Variants in TEX2 observed in about 807,000 individuals in gnomAD.
TEX2 encodes the protein testis-expressed protein 2.
TEX2 carries 53 observed loss-of-function variants against 106.9 expected under a neutral mutation model. That is an observed-to-expected ratio of 0.50 (90% CI 0.40 to 0.62). TEX2 has a LOEUF of 0.62. TEX2 is among the 20% of genes least tolerant of loss of function. The probability of loss-of-function intolerance (pLI) is 0.00; values close to 1 mark genes in which losing one functional copy is unlikely to be tolerated. For missense variants in TEX2, 1,207 were observed against 1,379.0 expected (o/e 0.88, Z 1.98); for synonymous variants, 523 against 534.8 (o/e 0.98, Z 0.30).
rs568354882 is a variant in TEX2 at position 64,148,330 on chromosome 17, G to A, written c.*639C>T. ...AGGCTTGGGATGGTTTGATCTCATGGCTTTGCCTGATGTTCACATAAATCC... is the reference window on the plus strand; with the variant it reads ...AGGCTTGGGATGGTTTGATCTCATGACTTTGCCTGATGTTCACATAAATCC... On this transcript the variant is annotated 3_prime_UTR_variant, in exon 12 of 12. Coordinates refer to ENST00000584379, the MANE Select transcript of TEX2 (RefSeq NM_001288732.2). 3.3e-5 allele frequency: 5 copies of A among 152,798 alleles called. No homozygotes were observed. The East Asian group carries it at 9.6e-4, about 29-fold the overall frequency. The allele number at this position is 152,798 out of a possible 1,614,324, so 9.5% of individuals were successfully genotyped here. A position where few individuals can be genotyped will look rare whatever the true frequency, so the allele number is the denominator to read the frequency against.
chr17:64,160,072 T>C (rs973662915), intron 8 of TEX2, among the ~76,000 whole-genome samples: 5 of 152,220 alleles, frequency 3.3e-5, no homozygotes, highest in Non-Finnish European at 5.9e-5. Context: ...ATGTGAGAAG[T>C]AGCCTCTAGT....
intron 1 of TEX2, among the ~76,000 whole-genome samples, chr17:64,219,375 G>A (rs1555632993): frequency 6.6e-6 from 1 of 151,954 alleles, no homozygotes; most frequent in African/African-American, 2.4e-5. Context: ...ACGTGGTGGC[G>A]CATGCCTGTA....
intron 5 of TEX2, among the ~76,000 whole-genome samples, chr17:64,181,528 T>C (rs2031863044): frequency 6.7e-6 from 1 of 150,272 alleles, no homozygotes; most frequent in Non-Finnish European, 1.5e-5. Flanking sequence ...CATGGTTTTG[T>C]ATTCTTTGAG....
chr17:64,215,215 C>T (rs2033148619), intron 1 of TEX2, among the ~76,000 whole-genome samples: 1 of 152,260 alleles, frequency 6.6e-6, no homozygotes, highest in Admixed American at 6.5e-5. Context: ...GGCCCATTTA[C>T]TGGGCACTAG....
intron 5 of TEX2, among the ~76,000 whole-genome samples, chr17:64,180,003 C>T (rs2031789709): frequency 6.6e-6 from 1 of 152,106 alleles, no homozygotes; most frequent in African/African-American, 2.4e-5. Context: ...TTTTTGAATC[C>T]CTTTTTTCTC....
At chr17:64,154,736 A>G (rs778597287) in intron 9 of TEX2, 106 bp downstream of exon 9, 35 of 1,330,386 alleles carry the variant, frequency 2.6e-5, no homozygotes, top group Non-Finnish European at 2.9e-5. Context: ...ACTCAACATT[A>G]AAGAGGAAGG....
At chr17:64,256,553 T>A (rs1193852071) in intron 1 of TEX2, among the ~76,000 whole-genome samples, 1 of 152,120 alleles carries the variant, frequency 6.6e-6, no homozygotes, top group Non-Finnish European at 1.5e-5. Flanking sequence ...CAGTTGCTGG[T>A]TTCTTCCTTT....
At chr17:64,241,911 G>A (rs1324009099) in intron 1 of TEX2, among the ~76,000 whole-genome samples, 3 of 152,202 alleles carry the variant, frequency 2.0e-5, no homozygotes, top group Non-Finnish European at 4.4e-5. Context: ...GGGATTACAG[G>A]AGTAAGCCAC....
intron 1 of TEX2, among the ~76,000 whole-genome samples, chr17:64,249,038 G>GAA (rs200334858): frequency 1.6e-5 from 2 of 123,074 alleles, no homozygotes; most frequent in Admixed American, 8.2e-5. Context: ...TTGTCTCAAA[G>GAA]AAAAAAAAAA....
intron 1 of TEX2, among the ~76,000 whole-genome samples, chr17:64,252,997 A>G (rs1208217521): frequency 6.6e-6 from 1 of 152,126 alleles, no homozygotes; most frequent in South Asian, 2.1e-4. Context: ...ACAATAAACC[A>G]GGAGAGACAC....
intron 7 of TEX2, among the ~76,000 whole-genome samples, chr17:64,170,455 G>T (rs1441275405): frequency 6.6e-6 from 1 of 152,076 alleles, no homozygotes; most frequent in Non-Finnish European, 1.5e-5. Flanking sequence ...CATGAGAGGT[G>T]AGCGGAACTG....
chr17:64,159,811 A>G (rs2030802462), intron 8 of TEX2, among the ~76,000 whole-genome samples: 1 of 152,218 alleles, frequency 6.6e-6, no homozygotes, highest in Non-Finnish European at 1.5e-5. Flanking sequence ...AAAATTCTCC[A>G]ATTATTAAAA....
intron 8 of TEX2, chr17:64,155,498 C>G (rs143823241): frequency 6.6e-6 from 1 of 152,348 alleles, no homozygotes; most frequent in Non-Finnish European, 1.5e-5. Flanking sequence ...ACTCATGACT[C>G]CTTTCCAGTG....
chr17:64,240,026 T>C (rs1463348406), intron 1 of TEX2, among the ~76,000 whole-genome samples: 1 of 151,762 alleles, frequency 6.6e-6, no homozygotes, highest in East Asian at 1.9e-4. Flanking sequence ...ATATTACAAG[T>C]CCTTACAGAT....
At chr17:64,182,022 G>A (rs117085470) in intron 5 of TEX2, among the ~76,000 whole-genome samples, 3,106 of 152,180 alleles carry the variant, frequency 0.02, 49 homozygotes, top group South Asian at 0.097. Context: ...CAAGATATGT[G>A]TACACTGATG....
intron 4 of TEX2, among the ~76,000 whole-genome samples, chr17:64,189,916 C>T (rs1397916550): frequency 2.0e-5 from 3 of 150,274 alleles, no homozygotes; most frequent in Middle Eastern, 3.2e-3. Context: ...ACCTGGGAGG[C>T]GGAGGTTGCA....
intron 1 of TEX2, among the ~76,000 whole-genome samples, chr17:64,243,069 C>T (rs2033918989): frequency 6.6e-6 from 1 of 152,064 alleles, no homozygotes; most frequent in African/African-American, 2.4e-5. Flanking sequence ...GCTGGGACTA[C>T]AGGCGCACAC....
intron 2 of TEX2, 87 bp downstream of exon 2, chr17:64,212,487 A>T: frequency 7.7e-7 from 1 of 1,300,548 alleles, no homozygotes; most frequent in Non-Finnish European, 1.1e-6. Context: ...AAAAATCTTT[A>T]ACAGCTAACC....
chr17:64,194,901 G>A lies in TEX2; in HGVS notation c.1839C>T (p.Asp613=), dbSNP rs746183528. 43 of 1,614,152 alleles carry A rather than the reference G, an allele frequency of 2.7e-5. No homozygotes were observed. The South Asian group carries it at 3.7e-4, about 14-fold the overall frequency. The change falls in exon 3 of 12, where the codon GAC becomes GAT. Residue 613 remains aspartate, a synonymous_variant. Transcript: ENST00000584379. The stretch of plus-strand genomic sequence containing the variant: ...CAAAATTGCTCAGGCTCACCTTGCT[G>A]TCTGAGAGGTCATAGATTTTCTGGC... ...YISQKIYDLS[D]SKIYLVPKTL...
Sources: gnomAD v4.1 joint callset for allele counts (sites outside exome capture counted in the v4.1 genomes callset) on GRCh38, gnomAD v4.1.1 for gene constraint, MANE v1.5 for transcripts, NCBI Gene and HGNC (gene_info 2026-07-23, HGNC 2026-07-21) for gene names.